The following DIAPH2 variants were observed in gnomAD, a reference collection of about 807,000 sequenced individuals.
DIAPH2 encodes diaphanous related formin 2, also known as protein diaphanous homolog 2.
Under a neutral mutation model 92.7 loss-of-function variants are expected in DIAPH2, and 35 were observed. The ratio of observed to expected loss-of-function variants is 0.38; its 90% CI spans 0.29 to 0.50. DIAPH2 has a LOEUF of 0.50. Ranked by LOEUF, DIAPH2 falls within the 20% of genes least tolerant of loss-of-function variation. The probability of loss-of-function intolerance (pLI) is 0.94; values close to 1 mark genes in which losing one functional copy is unlikely to be tolerated. For synonymous variants in DIAPH2, 301 were observed against 280.4 expected, an observed-to-expected ratio of 1.07 and a Z score of -0.73; for missense variants, 701 against 819.5, an observed-to-expected ratio of 0.86 and a Z score of 1.77.
intron 26 of DIAPH2, among the ~76,000 whole-genome samples, chrX:97,439,291 G>A (rs1432463872): frequency 9.0e-6 from 1 of 111,436 alleles, no homozygotes; most frequent in Non-Finnish European, 1.9e-5. Flanking sequence ...AAATTAGCCA[G>A]GGGTGGGGTG....
intron 16 of DIAPH2, among the ~76,000 whole-genome samples, chrX:96,964,285 G>C (rs891175045): frequency 1.8e-5 from 2 of 112,072 alleles, no homozygotes; most frequent in Non-Finnish European, 3.8e-5. Context: ...GTTTTAGAAT[G>C]TAGTTTTCTT....
chrX:97,341,472 A>AAT (rs1345761930), intron 23 of DIAPH2: 141 of 110,548 alleles, frequency 1.3e-3, no homozygotes, highest in African/African-American at 4.3e-3. Context: ...AGAGAAAAAG[A>AAT]ATATATATAT....
At chrX:96,894,828 T>G (rs193064211) in intron 5 of DIAPH2, among the ~76,000 whole-genome samples, 2 of 111,254 alleles carry the variant, frequency 1.8e-5, no homozygotes, top group East Asian at 5.6e-4. Context: ...AATTTGCTGA[T>G]GACCATAGTT....
At chrX:97,015,766 C>G (rs1291442990) in intron 17 of DIAPH2, among the ~76,000 whole-genome samples, 22 of 93,798 alleles carry the variant, frequency 2.3e-4, no homozygotes, top group African/African-American at 7.8e-4. Context: ...CCAGCCTGGG[C>G]GACAGAGCGA....
intron 4 of DIAPH2, among the ~76,000 whole-genome samples, chrX:96,831,270 A>G (rs1486804406): frequency 9.0e-6 from 1 of 111,535 alleles, no homozygotes; most frequent in Non-Finnish European, 1.9e-5. Flanking sequence ...TTCCCATCAT[A>G]GTACTCTGTT....
chrX:96,994,078 A>G (rs769268218), intron 17 of DIAPH2, among the ~76,000 whole-genome samples: 1 of 111,830 alleles, frequency 8.9e-6, no homozygotes, highest in Non-Finnish European at 1.9e-5. Flanking sequence ...TTGTGATGGT[A>G]TGATCAAATT....
At chrX:97,160,009 C>T (rs976685155) in intron 22 of DIAPH2, among the ~76,000 whole-genome samples, 1 of 99,556 alleles carries the variant, frequency 1.0e-5, no homozygotes, top group East Asian at 3.2e-4. Flanking sequence ...AGGCGCCAAG[C>T]AAGGAAATGG....
intron 10 of DIAPH2, among the ~76,000 whole-genome samples, chrX:96,934,224 T>G (rs1222137552): frequency 8.9e-6 from 1 of 111,964 alleles, no homozygotes; most frequent in Non-Finnish European, 1.9e-5. Context: ...ATATTTAAAT[T>G]TAAACCACTG....
intron 15 of DIAPH2, among the ~76,000 whole-genome samples, chrX:96,954,452 A>G (rs919043660): frequency 5.3e-5 from 6 of 112,287 alleles, no homozygotes; most frequent in Non-Finnish European, 1.1e-4. Context: ...ATCCATTGTC[A>G]TTAGAGAATG....
At chrX:96,836,099 A>G (rs1345422353) in intron 4 of DIAPH2, among the ~76,000 whole-genome samples, 1 of 100,881 alleles carries the variant, frequency 9.9e-6, no homozygotes, top group Non-Finnish European at 2.1e-5. Flanking sequence ...CCAAGCATGG[A>G]ATTTTTTTTT....
chrX:97,515,600 C>T (rs1442148543), intron 26 of DIAPH2, among the ~76,000 whole-genome samples: 1 of 111,728 alleles, frequency 9.0e-6, no homozygotes, highest in Non-Finnish European at 1.9e-5. Context: ...AGAAATATGA[C>T]TGGACAAAGG....
chrX:97,314,282 C>T (rs914492054), intron 23 of DIAPH2, among the ~76,000 whole-genome samples: 1 of 108,370 alleles, frequency 9.2e-6, no homozygotes, highest in African/African-American at 3.4e-5. Flanking sequence ...TGTGGTGGCG[C>T]ACACCTGTAG....
chrX:97,005,913 T>A (rs1483021782), intron 17 of DIAPH2, among the ~76,000 whole-genome samples: 5 of 105,621 alleles, frequency 4.7e-5, no homozygotes, highest in Non-Finnish European at 9.7e-5. Context: ...TTTTTCTTTT[T>A]TTTTTTTTTT....
chrX:96,969,153 T>C lies in DIAPH2; in HGVS notation c.2050+3946T>C, dbSNP rs181853891. ...CCTTGTAATATAGTTTGAAGGCAGG[T>C]AATGTGATGCCTCTGGCTTTCTGCT... On this transcript the variant is annotated intron_variant, in intron 17 of 26. Transcript: ENST00000324765. Among the ~76,000 whole-genome samples, 64 of 112,330 alleles carry C rather than the reference T, an allele frequency of 5.7e-4. No individual in the cohort carries two copies. In the East Asian group the frequency reaches 0.016, roughly 28 times the overall value.
At chrX:96,760,802 C>T (rs756275446) in intron 4 of DIAPH2, among the ~76,000 whole-genome samples, 4 of 110,964 alleles carry the variant, frequency 3.6e-5, no homozygotes, top group Admixed American at 2.9e-4. Flanking sequence ...TTTTTCTTCT[C>T]GAAGTCCCAT....
chrX:97,116,100 A>G (rs2067014741), intron 21 of DIAPH2, among the ~76,000 whole-genome samples: 1 of 112,060 alleles, frequency 8.9e-6, no homozygotes, highest in Non-Finnish European at 1.9e-5. Flanking sequence ...GAGAATCCCA[A>G]ATCTAGCAAT....
intron 7 of DIAPH2, among the ~76,000 whole-genome samples, chrX:96,912,758 C>T (rs2065476672): frequency 9.0e-6 from 1 of 110,665 alleles, no homozygotes; most frequent in Non-Finnish European, 1.9e-5. Flanking sequence ...ACTCTTTTCC[C>T]TCATCATCTT....
At chrX:96,952,956 T>TAAA (rs766501976) in intron 15 of DIAPH2, among the ~76,000 whole-genome samples, 3 of 99,616 alleles carry the variant, frequency 3.0e-5, no homozygotes, top group Admixed American at 1.1e-4. Context: ...GACCCCATCT[T>TAAA]AAAAAAAAAA....
At chrX:97,207,112 T>C (rs1417878841) in intron 22 of DIAPH2, among the ~76,000 whole-genome samples, 1 of 111,584 alleles carries the variant, frequency 9.0e-6, no homozygotes, top group Non-Finnish European at 1.9e-5. Flanking sequence ...TTCTAATCAA[T>C]CCTTTGTCAT....
Sources: gnomAD v4.1 joint callset for allele counts (sites outside exome capture counted in the v4.1 genomes callset) on GRCh38, gnomAD v4.1.1 for gene constraint, MANE v1.5 for transcripts, NCBI Gene and HGNC (gene_info 2026-07-23, HGNC 2026-07-21) for gene names.